Variants in PPFIA2 observed in about 807,000 individuals in gnomAD.
The protein encoded by PPFIA2 is PPFI scaffold protein A2.
A neutral mutation model predicts 175.5 loss-of-function variants in PPFIA2; 46 were observed. The observed-to-expected ratio is 0.26, with a 90% CI of 0.21 to 0.34. The LOEUF (loss-of-function observed/expected upper bound fraction) is 0.34. Ranked by LOEUF, PPFIA2 falls within the 10% of genes least tolerant of loss-of-function variation. The probability of loss-of-function intolerance (pLI) is 1.00; values close to 1 mark genes in which losing one functional copy is unlikely to be tolerated. For missense variants in PPFIA2, 1,179 were observed against 1,506.1 expected, an observed-to-expected ratio of 0.78 and a Z score of 3.60; for synonymous variants, 568 against 511.4, an observed-to-expected ratio of 1.11 and a Z score of -1.49.
chr12:81,552,557 G>A (rs938746819), intron 4 of PPFIA2, among the ~76,000 whole-genome samples: 2 of 151,788 alleles, frequency 1.3e-5, no homozygotes, highest in African/African-American at 4.8e-5. Flanking sequence ...CAATCATGAT[G>A]ACTATATCAA....
chr12:81,623,204 A>G (rs1359294092), intron 4 of PPFIA2, among the ~76,000 whole-genome samples: 1 of 152,090 alleles, frequency 6.6e-6, no homozygotes, highest in Non-Finnish European at 1.5e-5. Flanking sequence ...ATTAAATAGA[A>G]GTGTGACTAG....
At chr12:81,278,232 G>C (rs1241855378) in intron 27 of PPFIA2, among the ~76,000 whole-genome samples, 3 of 152,082 alleles carry the variant, frequency 2.0e-5, no homozygotes, top group Admixed American at 2.0e-4. Flanking sequence ...TTTCGGAGGA[G>C]GAAGAGGTGA....
intron 22 of PPFIA2, among the ~76,000 whole-genome samples, chr12:81,306,541 GTTT>G (rs34245260): frequency 1.6e-4 from 17 of 107,186 alleles, no homozygotes; most frequent in African/African-American, 4.7e-4. Context: ...TTGTTTCGTT[GTTT>G]TTTTTTTTTT....
chr12:81,623,102 G>A (rs991143849), intron 4 of PPFIA2, among the ~76,000 whole-genome samples: 4 of 152,064 alleles, frequency 2.6e-5, no homozygotes, highest in African/African-American at 7.2e-5. Context: ...GAAAGAAGAA[G>A]TTGAAACAAA....
intron 7 of PPFIA2, among the ~76,000 whole-genome samples, chr12:81,423,827 C>T (rs1325426417): frequency 6.6e-6 from 1 of 152,052 alleles, no homozygotes; most frequent in African/African-American, 2.4e-5. Context: ...GACATGACCA[C>T]AGACATAAAA....
chr12:81,447,108 C>T, intron 5 of PPFIA2, among the ~76,000 whole-genome samples: 1 of 151,968 alleles, frequency 6.6e-6, no homozygotes, highest in Non-Finnish European at 1.5e-5. Flanking sequence ...ACCATCCTGG[C>T]TAACACAGTG....
chr12:81,621,239 G>T (rs1449027340), intron 4 of PPFIA2, among the ~76,000 whole-genome samples: 3 of 152,150 alleles, frequency 2.0e-5, no homozygotes, highest in African/African-American at 7.2e-5. Context: ...AAATCCAAAG[G>T]TGCTAGGTAG....
chr12:81,527,608 C>T (rs2063885915), intron 4 of PPFIA2, among the ~76,000 whole-genome samples: 1 of 151,970 alleles, frequency 6.6e-6, no homozygotes, highest in African/African-American at 2.4e-5. Context: ...TCGGTGTTCC[C>T]TGCTTTATTT....
At chr12:81,271,443 T>C (rs1593492715) in intron 28 of PPFIA2, among the ~76,000 whole-genome samples, 2 of 152,242 alleles carry the variant, frequency 1.3e-5, no homozygotes, top group East Asian at 3.9e-4. Context: ...GCTAATTTTG[T>C]ATTTTTGCTA....
intron 4 of PPFIA2, among the ~76,000 whole-genome samples, chr12:81,549,805 G>T (rs562247981): frequency 6.6e-5 from 10 of 151,864 alleles, no homozygotes; most frequent in African/African-American, 2.4e-4. Flanking sequence ...AGGTCATTTT[G>T]CTGTCTGGCT....
chr12:81,369,246 T>C, intron 11 of PPFIA2, 52 bp from the exon 12 acceptor site: 3 of 1,580,094 alleles, frequency 1.9e-6, no homozygotes, highest in Non-Finnish European at 2.6e-6. Flanking sequence ...GGTTAACACT[T>C]TTCCTCTAAA....
intron 22 of PPFIA2, among the ~76,000 whole-genome samples, chr12:81,316,417 A>G (rs2052363921): frequency 6.6e-6 from 1 of 151,636 alleles, no homozygotes; most frequent in Non-Finnish European, 1.5e-5. Flanking sequence ...TTATTTAAAA[A>G]GCCATAATTA....
chr12:81,664,239 A>G (rs1414044196), intron 4 of PPFIA2, among the ~76,000 whole-genome samples: 1 of 152,186 alleles, frequency 6.6e-6, no homozygotes, highest in Non-Finnish European at 1.5e-5. Context: ...AACTACCATC[A>G]GAGTGAACAG....
intron 16 of PPFIA2, among the ~76,000 whole-genome samples, chr12:81,353,791 T>C (rs2060429457): frequency 6.6e-6 from 1 of 152,152 alleles, no homozygotes; most frequent in Non-Finnish European, 1.5e-5. Context: ...CTTCCCAACA[T>C]TTATTTACAT....
chr12:81,699,545 C>A (rs1347974327), intron 3 of PPFIA2, among the ~76,000 whole-genome samples: 1 of 114,126 alleles, frequency 8.8e-6, no homozygotes, highest in East Asian at 2.1e-4. Flanking sequence ...ATAATATCCT[C>A]TCTAAAACAA....
At chr12:81,590,171 T>A (rs2058508290) in intron 4 of PPFIA2, among the ~76,000 whole-genome samples, 1 of 152,150 alleles carries the variant, frequency 6.6e-6, no homozygotes, top group African/African-American at 2.4e-5. Flanking sequence ...AGCTAAGAGG[T>A]ATTTTGTATC....
intron 3 of PPFIA2, among the ~76,000 whole-genome samples, chr12:81,703,144 A>G (rs2076693073): frequency 6.6e-6 from 1 of 152,090 alleles, no homozygotes; most frequent in Non-Finnish European, 1.5e-5. Flanking sequence ...ACCCAGTTTC[A>G]TAACCTTATT....
chr12:81,499,517 G>T (rs117461908), intron 4 of PPFIA2, among the ~76,000 whole-genome samples: 13,916 of 152,142 alleles, frequency 0.091, 836 homozygotes, highest in Middle Eastern at 0.15. Flanking sequence ...AGAGAAAGAG[G>T]ACAAAGGGGA....
chr12:81,618,698 T>G (rs924161024), intron 4 of PPFIA2, among the ~76,000 whole-genome samples: 4 of 151,806 alleles, frequency 2.6e-5, no homozygotes, highest in African/African-American at 7.3e-5. Flanking sequence ...CCAGCTAATT[T>G]TTTTTTGTAT....
Sources: gnomAD v4.1 joint callset for allele counts (sites outside exome capture counted in the v4.1 genomes callset) on GRCh38, gnomAD v4.1.1 for gene constraint, MANE v1.5 for transcripts, NCBI Gene and HGNC (gene_info 2026-07-23, HGNC 2026-07-21) for gene names.